The following SLC35F3 variants were observed in gnomAD, a reference collection of about 807,000 sequenced individuals.
The protein encoded by SLC35F3 is putative thiamine transporter SLC35F3.
In SLC35F3, 25 loss-of-function variants were observed where a neutral mutation model predicts 49.9. That is an observed-to-expected ratio of 0.50 (90% CI 0.37 to 0.70). The LOEUF is 0.70. Among genes scored for constraint, SLC35F3 ranks in the 30% least tolerant of loss-of-function variants. The pLI is 0.00. For missense variants in SLC35F3, 525 were observed against 639.8 expected (o/e 0.82, Z 1.94); for synonymous variants, 275 against 265.4 (o/e 1.04, Z -0.35).
chr1:234,129,448 C>T (rs1315852436), intron 2 of SLC35F3, among the ~76,000 whole-genome samples: 1 of 152,034 alleles, frequency 6.6e-6, no homozygotes, highest in South Asian at 2.1e-4. Context: ...TTAGAGAAGA[C>T]CTAAATAAAT....
intron 4 of SLC35F3, among the ~76,000 whole-genome samples, chr1:234,310,312 C>G (rs968462241): frequency 6.6e-6 from 1 of 152,186 alleles, no homozygotes; most frequent in Non-Finnish European, 1.5e-5. Flanking sequence ...GTGCAGGGCC[C>G]TCTACTTCCG....
chr1:234,305,952 T>C (rs1442316520), intron 3 of SLC35F3, among the ~76,000 whole-genome samples: 1 of 152,104 alleles, frequency 6.6e-6, no homozygotes, highest in East Asian at 1.9e-4. Flanking sequence ...GCCAGCAGCA[T>C]CAGTGAGCAG....
intron 2 of SLC35F3, among the ~76,000 whole-genome samples, chr1:234,184,864 C>T (rs1459965022): frequency 6.6e-6 from 1 of 152,184 alleles, no homozygotes; most frequent in East Asian, 1.9e-4. Context: ...CCAGCTTTGA[C>T]ATTACCTGAC....
intron 2 of SLC35F3, among the ~76,000 whole-genome samples, chr1:234,143,278 C>CTTTT (rs1394286794): frequency 9.4e-5 from 12 of 127,438 alleles, no homozygotes; most frequent in African/African-American, 3.9e-4. Context: ...TGACTCTTTT[C>CTTTT]TTTTCTTTTC....
chr1:233,982,366 A>C (rs948568360), intron 2 of SLC35F3, among the ~76,000 whole-genome samples: 19 of 151,588 alleles, frequency 1.3e-4, no homozygotes, highest in Admixed American at 1.2e-3. Flanking sequence ...GGTTTTTTTA[A>C]ATTTATTTTT....
chr1:233,912,552 G>A (rs928599687), intron 2 of SLC35F3, among the ~76,000 whole-genome samples: 2 of 152,182 alleles, frequency 1.3e-5, no homozygotes, highest in African/African-American at 4.8e-5. Flanking sequence ...TAGGATTGTC[G>A]TGAAGATTAA....
chr1:234,103,030 G>A (rs997307066), intron 2 of SLC35F3, among the ~76,000 whole-genome samples: 13 of 152,110 alleles, frequency 8.5e-5, no homozygotes. Flanking sequence ...CAAGTGCTTT[G>A]GGAAAAAAAC....
chr1:234,053,519 T>C (rs1483098633), intron 2 of SLC35F3, among the ~76,000 whole-genome samples: 1 of 152,230 alleles, frequency 6.6e-6, no homozygotes, highest in Non-Finnish European at 1.5e-5. Flanking sequence ...TCCCTTTATT[T>C]TGAGCCTATG....
chr1:234,170,101 T>C (rs1666377713), intron 2 of SLC35F3, among the ~76,000 whole-genome samples: 1 of 152,124 alleles, frequency 6.6e-6, no homozygotes, highest in Admixed American at 6.5e-5. Flanking sequence ...ATGCCTCTTC[T>C]CCAGCCCCAC....
chr1:234,169,228 T>G (rs993496021), intron 2 of SLC35F3, among the ~76,000 whole-genome samples: 3 of 152,176 alleles, frequency 2.0e-5, no homozygotes, highest in Non-Finnish European at 4.4e-5. Flanking sequence ...GCAGATCTTC[T>G]TTACTCAGCC....
intron 2 of SLC35F3, among the ~76,000 whole-genome samples, chr1:234,082,128 A>C (rs1480687011): frequency 6.6e-6 from 1 of 151,914 alleles, no homozygotes; most frequent in East Asian, 1.9e-4. Flanking sequence ...ATTTTATATT[A>C]ATATACAAAA....
At chr1:234,192,046 C>A (rs1309261950) in intron 2 of SLC35F3, among the ~76,000 whole-genome samples, 1 of 152,022 alleles carries the variant, frequency 6.6e-6, no homozygotes, top group Non-Finnish European at 1.5e-5. Context: ...GAATTGGTAC[C>A]AATCCTATTA....
chr1:234,002,445 A>C (rs557573553), intron 2 of SLC35F3, among the ~76,000 whole-genome samples: 56 of 152,252 alleles, frequency 3.7e-4, no homozygotes, highest in African/African-American at 1.3e-3. Context: ...GAAAGTTTTG[A>C]GAAATATTGG....
At chr1:234,161,750 G>A (rs1383773938) in intron 2 of SLC35F3, among the ~76,000 whole-genome samples, 2 of 152,240 alleles carry the variant, frequency 1.3e-5, no homozygotes, top group African/African-American at 2.4e-5. Context: ...AAGCTGCAGC[G>A]AGCTGTGATC....
intron 2 of SLC35F3, among the ~76,000 whole-genome samples, chr1:234,138,314 A>G (rs1351448050): frequency 1.3e-5 from 2 of 152,178 alleles, no homozygotes; most frequent in African/African-American, 2.4e-5. Context: ...TTCCCTTTCA[A>G]TGGATCTTCA....
chr1:234,256,825 C>T (rs1667828313), intron 3 of SLC35F3, among the ~76,000 whole-genome samples: 1 of 152,200 alleles, frequency 6.6e-6, no homozygotes, highest in Non-Finnish European at 1.5e-5. Flanking sequence ...TTGGCCACCC[C>T]ATCCAGCATA....
intron 2 of SLC35F3, among the ~76,000 whole-genome samples, chr1:234,187,638 C>T (rs1397444870): frequency 6.6e-6 from 1 of 152,162 alleles, no homozygotes; most frequent in Non-Finnish European, 1.5e-5. Flanking sequence ...TGAACGCGTG[C>T]CCTCACTGGG....
rs139885098 is a variant in SLC35F3, at chr1:233,964,949, A to G, written c.283+59191A>G. ...TAAAGTGAAAGGAAATTGATCTACC[A>G]CCAAGATTCTTATAAGTGATGTTTT... On this transcript the variant is annotated intron_variant, in intron 2 of 7. Transcript: ENST00000366618. Among the ~76,000 whole-genome samples, 50 of 152,324 alleles carry G rather than the reference A, an allele frequency of 3.3e-4. 1 individual carries two copies. Among genetic ancestry groups the G allele is most frequent in the Middle Eastern group, 3.4e-3 (1 of 294 alleles).
At position 234,320,048 on chromosome 1, in the gene SLC35F3, A is replaced by C; in HGVS notation, c.1148-50A>C. 1 of 1,322,556 alleles carries C rather than the reference A, an allele frequency of 7.6e-7. No homozygotes were observed. Among genetic ancestry groups the C allele is most frequent in the African/African-American group, 1.4e-5 (1 of 69,130 alleles). The allele number at this position is 1,322,556 out of a possible 1,614,324, so 81.9% of individuals were successfully genotyped here. A position where few individuals can be genotyped will look rare whatever the true frequency, so the allele number is the denominator to read the frequency against. ...GTCAGATAGGCCAGCAGGGAGGTAA[A>C]GTACACAGCAGTCATGAATAACACT... On this transcript the variant is annotated intron_variant, in intron 6 of 7. Coordinates refer to ENST00000366618, the MANE Select transcript of SLC35F3 (RefSeq NM_173508.4). The surrounding 1 kb of genome is among the most constrained non-coding windows in gnomAD (Gnocchi z 4.8).
Sources: gnomAD v4.1 joint callset for allele counts (sites outside exome capture counted in the v4.1 genomes callset) on GRCh38, gnomAD v4.1.1 for gene constraint, Gnocchi (gnomAD v3.1) non-coding constraint, MANE v1.5 for transcripts, NCBI Gene and HGNC (gene_info 2026-07-23, HGNC 2026-07-21) for gene names.